Variants in C5 observed in about 807,000 individuals in gnomAD.
C5 encodes C3 and PZP-like alpha-2-macroglobulin domain-containing protein 4.
In C5, 140 loss-of-function variants were observed where a neutral mutation model predicts 218.8. That is an observed-to-expected ratio of 0.64 (90% CI 0.56 to 0.74). The LOEUF is 0.74. C5 is among the 30% of genes least tolerant of loss of function. C5 has a pLI of 0.00. For missense variants in C5, 1,700 were observed against 1,969.6 expected (o/e 0.86, Z 2.59); for synonymous variants, 614 against 682.3 (o/e 0.90, Z 1.56).
intron 16 of C5, 45 bp downstream of exon 16, chr9:121,015,154 T>G: frequency 8.1e-7 from 1 of 1,231,000 alleles, no homozygotes; most frequent in Non-Finnish European, 1.2e-6. Context: ...AGTTTTTGAA[T>G]GATATGACCA....
In C5 at chr9:120,952,748, A is replaced by G. The variant is rs772694883; in HGVS notation, c.5022T>C (p.Asn1674=). The G allele has an allele frequency of 6.2e-7, 1 of 1,613,112 alleles. No homozygotes were observed. Among genetic ancestry groups the G allele is most frequent in the Non-Finnish European group, 8.5e-7 (1 of 1,179,636 alleles). ...LDEFAEDIFL[N]GC is the part of the protein sequence containing the mutation. ...CTGAACTTCAGGAATTTTAGCATCC[A>G]TTTAAAAAGATATCTTCGGCAAATT... Residue 1674 remains asparagine (N), a synonymous_variant, in exon 41 of 41, where the codon AAT becomes AAC. Coordinates refer to ENST00000223642, the MANE Select transcript of C5 (RefSeq NM_001735.3).
rs758370414 is a variant in C5 at position 120,997,566 on chromosome 9, A to C, written c.2771T>G (p.Val924Gly). 1 of 1,612,712 alleles carries C rather than the reference A, an allele frequency of 6.2e-7. No individual in the cohort carries two copies. The highest frequency in any genetic ancestry group is 1.1e-5 in the South Asian group (1 of 91,044). ...LETWFGKEIL[V>G]KTLRVVPEGV... is the part of the protein sequence containing the mutation. The stretch of plus-strand genomic sequence containing the variant: ...TCTTACCACCACTCGTAATGTTTTT[A>C]CTAAGATTTCTTTTCCAAACCAAGT... Residue 924 changes from valine to glycine, a missense_variant, in exon 21 of 41, where the codon GTA becomes GGA. Physicochemically the swap from Val to Gly is moderately radical, Grantham distance 109. Coordinates refer to ENST00000223642, the MANE Select transcript of C5 (RefSeq NM_001735.3).
At chr9:121,010,289 G>T (rs1434057044) in intron 17 of C5, among the ~76,000 whole-genome samples, 1 of 152,200 alleles carries the variant, frequency 6.6e-6, no homozygotes, top group South Asian at 2.1e-4. Flanking sequence ...CAATAAAGTT[G>T]CAGGATATAA....
chr9:121,025,902 A>T lies in C5; in HGVS notation c.874-322T>A, dbSNP rs2047417792. Reference sequence around the variant, plus strand: ...GGCCTCTCAGCGTACTTCCGCCCTTAACTGAGAGTTTGTTGGTTTTTATAA... The same window carrying T: ...GGCCTCTCAGCGTACTTCCGCCCTTTACTGAGAGTTTGTTGGTTTTTATAA... On this transcript the variant is annotated intron_variant, in intron 8 of 40. Transcript: ENST00000223642. 7 of 228,750 alleles carry T rather than the reference A, an allele frequency of 3.1e-5. No individual in the cohort carries two copies. In the South Asian group the frequency reaches 4.2e-4, roughly 14 times the overall value. The allele number at this position is 228,750 out of a possible 1,614,324, so 14.2% of individuals were successfully genotyped here.
chr9:121,051,784 T>A (rs1382342854), upstream of C5, among the ~76,000 whole-genome samples: 1 of 152,230 alleles, frequency 6.6e-6, no homozygotes, highest in African/African-American at 2.4e-5. Context: ...CATTTGCCAC[T>A]ATTGTCTGAT....
At chr9:121,065,927 G>A in the C5 span, among the ~76,000 whole-genome samples, 36 of 152,208 alleles carry the variant, frequency 2.4e-4, no homozygotes, top group Middle Eastern at 3.4e-3. Flanking sequence ...AAATGTAAAA[G>A]AACAGGAATA....
intron 4 of C5, among the ~76,000 whole-genome samples, chr9:121,035,134 G>A (rs1416145265): frequency 1.1e-5 from 1 of 94,298 alleles, no homozygotes; most frequent in Non-Finnish European, 2.3e-5. Flanking sequence ...TCATTATCTT[G>A]AAGAGACTCA....
At chr9:121,059,931 C>G in the C5 span, among the ~76,000 whole-genome samples, 1 of 152,216 alleles carries the variant, frequency 6.6e-6, no homozygotes, top group Non-Finnish European at 1.5e-5. This position sits in a 1 kb window ranked among gnomAD's most constrained non-coding sequence, Gnocchi z 4.1. Flanking sequence ...CATAAGAGAA[C>G]CTAACCCAGA....
At chr9:121,070,366 A>C in the C5 span, among the ~76,000 whole-genome samples, 1 of 131,054 alleles carries the variant, frequency 7.6e-6, no homozygotes, top group Non-Finnish European at 1.6e-5. Context: ...AGAAAGAAAG[A>C]AGGAAGGAAG....
chr9:121,067,541 GT>G, the C5 span, among the ~76,000 whole-genome samples: 2 of 151,006 alleles, frequency 1.3e-5, no homozygotes, highest in African/African-American at 4.9e-5. Flanking sequence ...TCGCAGCTTG[GT>G]TGGTGACAGA....
intron 33 of C5, among the ~76,000 whole-genome samples, chr9:120,966,751 C>T (rs181763643): frequency 7.9e-5 from 12 of 151,992 alleles, no homozygotes; most frequent in South Asian, 2.1e-4. Context: ...GATGTTTGAG[C>T]GGGAACAGAG....
chr9:121,046,340 C>A lies in C5; in HGVS notation c.109G>T (p.Glu37Ter), dbSNP rs2047627522. The A allele has an allele frequency of 6.8e-6, 11 of 1,612,500 alleles. No individual in the cohort carries two copies. Among genetic ancestry groups the A allele is most frequent in the Non-Finnish European group, 9.3e-6 (11 of 1,178,918 alleles). The part of the protein sequence containing the change: ...APKIFRVGAS[E>*]NIVIQVYGYT... The stretch of plus-strand genomic sequence containing the variant: ...CCATAAACTTGAATCACAATATTTT[C>A]AGATGCTCCAACACGGAATATTTTT... The change falls in exon 2 of 41, where the codon GAA becomes TAA. Residue 37 changes from glutamate (E) to a stop codon, truncating the protein, a stop_gained. Transcript: ENST00000223642. LOFTEE classifies it high-confidence loss of function.
At chr9:121,062,694 T>C in the C5 span, among the ~76,000 whole-genome samples, 2 of 152,242 alleles carry the variant, frequency 1.3e-5, no homozygotes, top group Admixed American at 6.5e-5. Context: ...TTGTGTCCTC[T>C]TGAAATTCTT....
chr9:121,003,112 G>A (rs1053702752), intron 20 of C5, among the ~76,000 whole-genome samples: 1 of 152,180 alleles, frequency 6.6e-6, no homozygotes, highest in Admixed American at 6.5e-5. Context: ...ACCACATGGT[G>A]AAACCCTGTC....
the C5 span, among the ~76,000 whole-genome samples, chr9:121,061,293 C>A: frequency 1.3e-5 from 2 of 152,104 alleles, no homozygotes; most frequent in Non-Finnish European, 2.9e-5. Context: ...ATCTCTTATT[C>A]AAAAAAGCAG....
chr9:121,034,740 T>C, intron 5 of C5, 63 bp downstream of exon 5: 1 of 872,138 alleles, frequency 1.1e-6, no homozygotes, highest in Non-Finnish European at 1.9e-6. Context: ...CCCCTTTAAC[T>C]GGTTACCTGC....
intron 5 of C5, 35 bp from the exon 6 acceptor site, chr9:121,032,230 A>T (rs768559510): frequency 7.8e-7 from 1 of 1,286,282 alleles, no homozygotes; most frequent in African/African-American, 1.5e-5. Flanking sequence ...TATAGATGTC[A>T]TCAAATGTTT....
chr9:120,974,463 T>C (rs1210581384), intron 30 of C5, among the ~76,000 whole-genome samples: 1 of 152,216 alleles, frequency 6.6e-6, no homozygotes, highest in Non-Finnish European at 1.5e-5. Flanking sequence ...AACCCACACA[T>C]CTGGACACAT....
chr9:121,032,169 T>G lies in C5; in HGVS notation c.611A>C (p.Lys204Thr). 1 of 1,606,938 alleles carries G rather than the reference T, an allele frequency of 6.2e-7. No individual in the cohort carries two copies. Among genetic ancestry groups the G allele is most frequent in the Non-Finnish European group, 8.5e-7 (1 of 1,173,624 alleles). The change falls in exon 6 of 41, where the codon AAA becomes ACA. Residue 204 changes from lysine to threonine, a missense_variant. Coordinates refer to ENST00000223642, the MANE Select transcript of C5 (RefSeq NM_001735.3). ...PRYGMWTIKA[K>T]YKEDFSTTGT... ...AGTTGTTGAAAAGTCCTCTTTATAT[T>G]TAGCCTTGATCGTCCACATACCATA...
Sources: gnomAD v4.1 joint callset for allele counts (sites outside exome capture counted in the v4.1 genomes callset) on GRCh38, gnomAD v4.1.1 for gene constraint, Gnocchi (gnomAD v3.1) non-coding constraint, MANE v1.5 for transcripts, NCBI Gene and HGNC (gene_info 2026-07-23, HGNC 2026-07-21) for gene names.